Variants in FER observed in about 807,000 individuals in gnomAD.
FER encodes FER tyrosine kinase, also known as tyrosine-protein kinase Fer.
FER carries 63 observed loss-of-function variants against 111.0 expected under a neutral mutation model. The ratio of observed to expected loss-of-function variants is 0.57; its 90% CI spans 0.46 to 0.70. The LOEUF (loss-of-function observed/expected upper bound fraction) is 0.70, where lower values mean the gene tolerates loss of function less well. Ranked by LOEUF, FER falls within the 30% of genes least tolerant of loss-of-function variation. The pLI is 0.00. For missense variants in FER, 914 were observed against 954.0 expected (o/e 0.96, Z 0.55); for synonymous variants, 327 against 313.9 (o/e 1.04, Z -0.44).
intron 13 of FER, among the ~76,000 whole-genome samples, chr5:108,969,110 T>C (rs1425583686): frequency 6.6e-6 from 1 of 152,150 alleles, no homozygotes; most frequent in Non-Finnish European, 1.5e-5. Flanking sequence ...AAAACCACTA[T>C]AGAAGGCATT....
chr5:108,944,719 A>G (rs898142169), intron 10 of FER, among the ~76,000 whole-genome samples: 2 of 151,990 alleles, frequency 1.3e-5, no homozygotes, highest in African/African-American at 2.4e-5. Context: ...GCACCAAATG[A>G]TCTGGCACTG....
chr5:108,859,185 G>A (rs1763280034), intron 5 of FER, among the ~76,000 whole-genome samples: 1 of 152,108 alleles, frequency 6.6e-6, no homozygotes, highest in Non-Finnish European at 1.5e-5. Context: ...ATGAGACATA[G>A]TATCTCACTT....
Position 108,759,800 on chromosome 5 carries a change from A to G in FER, c.-205-8293A>G. Among the ~76,000 whole-genome samples the G allele has an allele frequency of 1.3e-5, 2 of 152,220 alleles. 1 individual carries two copies. The highest frequency in any genetic ancestry group is 4.1e-4 in the South Asian group (2 of 4,836). ...GACTCCACCATCATGGTTTAGGTTTAGGTTTGAGACCTAAACACCTTCCAA... is the reference window on the plus strand; with the variant it reads ...GACTCCACCATCATGGTTTAGGTTTGGGTTTGAGACCTAAACACCTTCCAA... On this transcript the variant is annotated intron_variant, in intron 1 of 19. Transcript: ENST00000281092.
At chr5:109,105,230 TTGTGTGTGTG>T (rs72106747) in intron 17 of FER, among the ~76,000 whole-genome samples, 2,572 of 138,624 alleles carry the variant, frequency 0.019, 41 homozygotes, top group African/African-American at 0.049. Flanking sequence ...CAGCTTATAT[TTGTGTGTGTG>T]TGTGTGTGTG....
chr5:109,109,062 T>G (rs571060547), intron 17 of FER, among the ~76,000 whole-genome samples: 12 of 152,270 alleles, frequency 7.9e-5, no homozygotes, highest in African/African-American at 2.6e-4. Flanking sequence ...AACTCTGATA[T>G]CTATTAAGTG....
chr5:108,924,714 C>T (rs767659506), intron 10 of FER: 206 of 1,231,874 alleles, frequency 1.7e-4, no homozygotes, highest in Admixed American at 2.1e-4. Context: ...AGTCTGGTTT[C>T]GGCTCCCAAT....
intron 2 of FER, among the ~76,000 whole-genome samples, chr5:108,772,102 G>A (rs926105979): frequency 1.3e-5 from 2 of 152,164 alleles, no homozygotes; most frequent in South Asian, 4.1e-4. Flanking sequence ...TGCGAAGGGG[G>A]AATGCAGCTC....
intron 10 of FER, among the ~76,000 whole-genome samples, chr5:108,939,864 A>G (rs995024741): frequency 1.3e-5 from 2 of 152,044 alleles, no homozygotes; most frequent in Non-Finnish European, 2.9e-5. Flanking sequence ...GAGCTCTGAT[A>G]AGAGTATTAT....
At chr5:108,991,219 A>G (rs1763128006) in intron 13 of FER, among the ~76,000 whole-genome samples, 1 of 151,970 alleles carries the variant, frequency 6.6e-6, no homozygotes, top group Non-Finnish European at 1.5e-5. Context: ...GTATATACGC[A>G]CATGTATATA....
At chr5:108,947,344 A>G (rs1177034641) in intron 11 of FER, among the ~76,000 whole-genome samples, 1 of 151,938 alleles carries the variant, frequency 6.6e-6, no homozygotes, top group Non-Finnish European at 1.5e-5. Context: ...ATTTCTCCAC[A>G]TTCTTGCCAA....
At chr5:108,995,554 A>G (rs560701835) in intron 13 of FER, among the ~76,000 whole-genome samples, 3 of 152,104 alleles carry the variant, frequency 2.0e-5, no homozygotes, top group South Asian at 2.1e-4. Context: ...GCTGAGAATT[A>G]TAGTTTTCAG....
At chr5:108,772,985 TTTAA>T (rs1753090966) in intron 2 of FER, among the ~76,000 whole-genome samples, 1 of 152,210 alleles carries the variant, frequency 6.6e-6, no homozygotes, top group African/African-American at 2.4e-5. Flanking sequence ...TCAGAAAAGA[TTTAA>T]TTAAATACCC....
chr5:108,758,190 G>C (rs577871676), intron 1 of FER, among the ~76,000 whole-genome samples: 19 of 152,268 alleles, frequency 1.2e-4, no homozygotes, highest in African/African-American at 4.6e-4. Context: ...GATGTTACTA[G>C]AATACACACC....
chr5:108,831,728 A>G (rs1438948236), intron 3 of FER, among the ~76,000 whole-genome samples: 1 of 152,244 alleles, frequency 6.6e-6, no homozygotes, highest in African/African-American at 2.4e-5. Context: ...TCTTTAGGCT[A>G]TAATTTTGCT....
intron 5 of FER, among the ~76,000 whole-genome samples, chr5:108,859,156 G>A (rs796480835): frequency 2.0e-4 from 30 of 152,252 alleles, no homozygotes; most frequent in African/African-American, 7.0e-4. Flanking sequence ...CGCCAACAGA[G>A]TGTTTCTCAA....
At chr5:108,750,377 C>T (rs1312385797) in intron 1 of FER, among the ~76,000 whole-genome samples, 1 of 152,004 alleles carries the variant, frequency 6.6e-6, no homozygotes, top group African/African-American at 2.4e-5. Flanking sequence ...GTTTGTCAGT[C>T]GGGAAAGCAG....
chr5:108,891,235 T>C (rs1454006895), intron 9 of FER, among the ~76,000 whole-genome samples: 1 of 152,148 alleles, frequency 6.6e-6, no homozygotes, highest in East Asian at 1.9e-4. Flanking sequence ...TTTGGTTGTT[T>C]TGTTTTGTTT....
chr5:109,071,202 C>G (rs766885979), intron 16 of FER, among the ~76,000 whole-genome samples: 2 of 151,998 alleles, frequency 1.3e-5, no homozygotes, highest in Non-Finnish European at 2.9e-5. Context: ...TGTCATATCT[C>G]CTCAGTATCC....
intron 13 of FER, among the ~76,000 whole-genome samples, chr5:109,025,528 A>G (rs544975813): frequency 2.7e-4 from 41 of 151,542 alleles, no homozygotes; most frequent in Admixed American, 7.2e-4. Context: ...GGGCTGAGAC[A>G]ATGGGGTTTT....
Sources: gnomAD v4.1 joint callset for allele counts (sites outside exome capture counted in the v4.1 genomes callset) on GRCh38, gnomAD v4.1.1 for gene constraint, MANE v1.5 for transcripts, NCBI Gene and HGNC (gene_info 2026-07-23, HGNC 2026-07-21) for gene names.